CFAP97: variants seen among roughly 807,000 people sequenced by gnomAD.
CFAP97 encodes the protein cilia- and flagella-associated protein 97.
A neutral mutation model predicts 43.1 loss-of-function variants in CFAP97; 36 were observed. That is an observed-to-expected ratio of 0.84 (90% confidence interval 0.64 to 1.10). The LOEUF (loss-of-function observed/expected upper bound fraction) is 1.10, where lower values mean the gene tolerates loss of function less well. Ranked by LOEUF, CFAP97 falls within the 50% of genes least tolerant of loss-of-function variation. The pLI is 0.00. For synonymous variants in CFAP97, 228 were observed against 225.7 expected, an observed-to-expected ratio of 1.01 and a Z score of -0.09; for missense variants, 657 against 620.3, an observed-to-expected ratio of 1.06 and a Z score of -0.63.
At chr4:185,186,768 AAT>A (rs1736022202) in intron 2 of CFAP97, among the ~76,000 whole-genome samples, 1 of 152,230 alleles carries the variant, frequency 6.6e-6, no homozygotes, top group South Asian at 2.1e-4. Flanking sequence ...ATATTTTAAA[AAT>A]GTGTAATTTC....
chr4:185,180,109 C>A (rs1232322388), intron 2 of CFAP97, among the ~76,000 whole-genome samples: 1 of 151,974 alleles, frequency 6.6e-6, no homozygotes, highest in African/African-American at 2.4e-5. Context: ...ATTTTTCTAG[C>A]CCTTATTTTC....
rs984275471 is a variant in CFAP97 at position 185,193,387 on chromosome 4, C to T, written c.-16-2175G>A. Among the ~76,000 whole-genome samples the T allele has an allele frequency of 1.3e-4, 20 of 152,310 alleles. 1 individual carries two copies. Among genetic ancestry groups the T allele is most frequent in the African/African-American group, 4.6e-4 (19 of 41,562 alleles). ...AAAAGGCCAGGCACGGTGGCTCATG[C>T]TGTAATCCCAGCACTTCGGGAGGCA... On this transcript the variant is annotated intron_variant, in intron 1 of 4. Transcript: ENST00000458385.
At chr4:185,172,124 T>G (rs1466363927) in intron 3 of CFAP97, among the ~76,000 whole-genome samples, 2 of 152,208 alleles carry the variant, frequency 1.3e-5, no homozygotes, top group African/African-American at 4.8e-5. Context: ...TAAATTATAA[T>G]GATAATTGAG....
chr4:185,170,083 C>A, intron 3 of CFAP97: 1 of 1,206,468 alleles, frequency 8.3e-7, no homozygotes, highest in East Asian at 3.4e-5. Context: ...CACAGTGGCT[C>A]ACACCTGTAA....
chr4:185,159,951 A>G lies in CFAP97; in HGVS notation c.*2847T>C, dbSNP rs2111298802. On this transcript the variant is annotated 3_prime_UTR_variant, in exon 5 of 5. Coordinates refer to ENST00000458385, the MANE Select transcript of CFAP97 (RefSeq NM_020827.3). ...TCTTTGGGTTTATATTGGTCTTAACATGTTTCATAGTTTGCAGTATTTGAA... is the reference window on the plus strand; with the variant it reads ...TCTTTGGGTTTATATTGGTCTTAACGTGTTTCATAGTTTGCAGTATTTGAA... 6.6e-6 allele frequency: 1 copy of G among 152,346 alleles called. No homozygotes were observed. The highest frequency in any genetic ancestry group is 1.9e-4 in the East Asian group (1 of 5,192). 9.4% of individuals were successfully genotyped at this position (152,346 alleles called of 1,614,324 possible).
rs537287400 is a variant in CFAP97, at chr4:185,169,689, C to T, written c.1321-5510G>A. ...TAAATGTCTTAATGATTTCTGCAGC[C>T]GTTAGCAGAGGAGAGTTGCTTTAGT... is the stretch of plus-strand genomic sequence containing the variant. On this transcript the variant is annotated intron_variant, in intron 3 of 4. Coordinates refer to ENST00000458385, the MANE Select transcript of CFAP97 (RefSeq NM_020827.3). 1.2e-5 allele frequency: 12 copies of T among 985,336 alleles called. No homozygotes were observed. In the South Asian group the frequency reaches 1.4e-4, roughly 12 times the overall value. 61.0% of individuals were successfully genotyped at this position (985,336 alleles called of 1,614,324 possible).
intron 1 of CFAP97, among the ~76,000 whole-genome samples, chr4:185,193,858 A>C (rs1483743838): frequency 6.6e-6 from 1 of 151,836 alleles, no homozygotes; most frequent in African/African-American, 2.4e-5. Context: ...ACTGCACTCC[A>C]GCCTGGGCGA....
intron 1 of CFAP97, among the ~76,000 whole-genome samples, chr4:185,197,552 C>G (rs1335171103): frequency 6.6e-6 from 1 of 152,086 alleles, no homozygotes; most frequent in South Asian, 2.1e-4. Context: ...CTCAGCCTCC[C>G]GAGTAGCTGG....
At position 185,171,139 on chromosome 4, in the gene CFAP97, T is replaced by C. The variant is rs147729715; in HGVS notation, c.1320+4647A>G. ...AAATCATCATTACATTATTTATTTG[T>C]TTGTTTCAATTTTTCTACATGAAAA... On this transcript the variant is annotated intron_variant, in intron 3 of 4. Transcript: ENST00000458385. 1.6e-4 allele frequency among the ~76,000 whole-genome samples: 25 copies of C among 152,262 alleles called. No homozygotes were observed. The East Asian group carries it at 4.6e-3, about 28-fold the overall frequency.
chr4:185,204,795 A>G (rs1234456052), upstream of CFAP97, among the ~76,000 whole-genome samples: 1 of 152,240 alleles, frequency 6.6e-6, no homozygotes, highest in East Asian at 1.9e-4. Flanking sequence ...GTCAGAGGCA[A>G]TGAGCCAAGG....
chr4:185,188,711 T>C (rs1174742704), intron 2 of CFAP97, among the ~76,000 whole-genome samples: 1 of 151,686 alleles, frequency 6.6e-6, no homozygotes. Flanking sequence ...TTACTTTTTT[T>C]TTACTTTGCA....
chr4:185,170,946 C>A (rs1735275174), intron 3 of CFAP97, among the ~76,000 whole-genome samples: 1 of 137,180 alleles, frequency 7.3e-6, no homozygotes, highest in Non-Finnish European at 1.5e-5. Context: ...GACTGAGCCA[C>A]TTACTCCAGC....
chr4:185,204,498 T>C (rs541598465), upstream of CFAP97: 23 of 152,318 alleles, frequency 1.5e-4, no homozygotes, highest in African/African-American at 5.3e-4. Flanking sequence ...AAGGTAAAAA[T>C]GATCTCTGCA....
chr4:185,171,754 AC>A, intron 3 of CFAP97, among the ~76,000 whole-genome samples: 1 of 152,314 alleles, frequency 6.6e-6, no homozygotes, highest in Non-Finnish European at 1.5e-5. Context: ...TTGCTCTGTC[AC>A]CCAGGCTGAA....
intron 3 of CFAP97, among the ~76,000 whole-genome samples, chr4:185,167,464 C>T (rs1431045111): frequency 6.6e-6 from 1 of 151,840 alleles, no homozygotes; most frequent in African/African-American, 2.4e-5. Flanking sequence ...GACCTTATCT[C>T]AAACAAACAA....
At chr4:185,169,146 T>C (rs1178208166) in intron 3 of CFAP97, 1 of 152,228 alleles carries the variant, frequency 6.6e-6, no homozygotes, top group East Asian at 1.9e-4. Context: ...GAGTAAGTTC[T>C]GGAGATCTAA....
intron 2 of CFAP97, among the ~76,000 whole-genome samples, chr4:185,184,744 A>T (rs6831793): frequency 0.45 from 68,051 of 152,018 alleles, 15,256 homozygotes; most frequent in Middle Eastern, 0.54. Context: ...CTGGATAATC[A>T]CTGATGACTC....
intron 1 of CFAP97, among the ~76,000 whole-genome samples, chr4:185,191,869 A>G (rs1206769338): frequency 6.6e-6 from 1 of 152,160 alleles, no homozygotes; most frequent in Admixed American, 6.5e-5. Flanking sequence ...CCCCAAAGAT[A>G]TACAAATTAA....
intron 2 of CFAP97, among the ~76,000 whole-genome samples, chr4:185,189,765 A>T (rs1553973007): frequency 1.3e-5 from 2 of 152,210 alleles, no homozygotes; most frequent in Non-Finnish European, 2.9e-5. Flanking sequence ...AGGACGCCAC[A>T]TCAGGTGTTA....
Sources: gnomAD v4.1 joint callset for allele counts (sites outside exome capture counted in the v4.1 genomes callset) on GRCh38, gnomAD v4.1.1 for gene constraint, MANE v1.5 for transcripts, NCBI Gene and HGNC (gene_info 2026-07-23, HGNC 2026-07-21) for gene names.